The following GABRB1 variants were observed in gnomAD, a reference collection of about 807,000 sequenced individuals.
GABRB1 encodes gamma-aminobutyric acid type A receptor subunit beta1.
In GABRB1, 17 loss-of-function variants were observed where a neutral mutation model predicts 51.6. The observed-to-expected ratio is 0.33, with a 90% CI of 0.23 to 0.49. The LOEUF is 0.49. Among genes scored for constraint, GABRB1 ranks in the 20% least tolerant of loss-of-function variants. The pLI is 0.99. For missense variants in GABRB1, 410 were observed against 600.6 expected (o/e 0.68, Z 3.32); for synonymous variants, 247 against 218.9 (o/e 1.13, Z -1.14).
Position 46,997,137 on chromosome 4 carries a change from T to C in GABRB1, c.-20+3211T>C, listed in dbSNP as rs142994020. Among the ~76,000 whole-genome samples the C allele has an allele frequency of 1.8e-3, 276 of 152,274 alleles. 1 individual carries two copies. The highest frequency in any genetic ancestry group is 6.5e-3 in the African/African-American group (272 of 41,584). On this transcript the variant is annotated intron_variant, in intron 1 of 3. Transcript: ENST00000513567. Reference sequence around the variant, plus strand: ...ACAGTGTTTCCACTGAAATATTACCTGTATACCAGCCTACTATCATTGTCT... The same window carrying C: ...ACAGTGTTTCCACTGAAATATTACCCGTATACCAGCCTACTATCATTGTCT...
At chr4:47,035,825 G>A (rs1725530124) in intron 3 of GABRB1, among the ~76,000 whole-genome samples, 1 of 152,144 alleles carries the variant, frequency 6.6e-6, no homozygotes, top group African/African-American at 2.4e-5. Context: ...ACAGTAGTTT[G>A]GGGAAACATG....
chr4:47,148,226 T>C (rs1245198475), intron 3 of GABRB1, among the ~76,000 whole-genome samples: 1 of 151,990 alleles, frequency 6.6e-6, no homozygotes, highest in African/African-American at 2.4e-5. Context: ...AGTGTTTGAT[T>C]GTACCAGTCA....
At chr4:47,091,946 A>AT (rs1560530069) in intron 3 of GABRB1, among the ~76,000 whole-genome samples, 45 of 151,682 alleles carry the variant, frequency 3.0e-4, no homozygotes, top group African/African-American at 9.4e-4. Flanking sequence ...GTTAAATCAC[A>AT]CTCCATCTAT....
chr4:47,018,262 TGTCTGGCCTCA>T (rs1287973228), intron 1 of GABRB1, among the ~76,000 whole-genome samples: 1 of 151,802 alleles, frequency 6.6e-6, no homozygotes, highest in Admixed American at 6.6e-5. Context: ...TCCTGGCCTC[TGTCTGGCCTCA>T]AGTCATCCAC....
chr4:47,007,651 A>G (rs1724447607), intron 1 of GABRB1, among the ~76,000 whole-genome samples: 1 of 152,066 alleles, frequency 6.6e-6, no homozygotes, highest in African/African-American at 2.4e-5. Flanking sequence ...AATGTCAACG[A>G]ATAGAAATTG....
intron 8 of GABRB1, among the ~76,000 whole-genome samples, chr4:47,409,879 A>G (rs4235147): frequency 0.99 from 151,409 of 152,384 alleles, 75,221 homozygotes; most frequent in East Asian, 1. Context: ...GATGATAAAG[A>G]TTGAATAAAG....
intron 3 of GABRB1, among the ~76,000 whole-genome samples, chr4:47,060,878 A>G (rs942672721): frequency 1.3e-5 from 2 of 152,198 alleles, no homozygotes; most frequent in African/African-American, 4.8e-5. Context: ...TTGGTTGGAT[A>G]AATTATACTA....
At chr4:47,289,067 T>C (rs1365202687) in intron 4 of GABRB1, among the ~76,000 whole-genome samples, 1 of 152,166 alleles carries the variant, frequency 6.6e-6, no homozygotes, top group East Asian at 1.9e-4. Context: ...GTTTGTTTTT[T>C]GCTTCTGAGC....
intron 5 of GABRB1, among the ~76,000 whole-genome samples, chr4:47,350,208 TATATATATATAGAGAG>T (rs1359439965): frequency 2.2e-5 from 2 of 91,912 alleles, no homozygotes; most frequent in Admixed American, 1.2e-4. Flanking sequence ...TATATATATA[TATATATATATAGAGAG>T]AGAGAGAGAG....
chr4:47,051,576 T>C (rs1161341243), intron 3 of GABRB1, among the ~76,000 whole-genome samples: 1 of 152,188 alleles, frequency 6.6e-6, no homozygotes, highest in Non-Finnish European at 1.5e-5. Flanking sequence ...TAGTGCTTTG[T>C]TGGTATAGTT....
chr4:47,298,907 C>A (rs1405018086), intron 4 of GABRB1, among the ~76,000 whole-genome samples: 1 of 151,748 alleles, frequency 6.6e-6, no homozygotes, highest in South Asian at 2.1e-4. Flanking sequence ...ACCAATGGAA[C>A]AGAACAGAGC....
At chr4:47,337,247 T>G (rs1208739959) in intron 5 of GABRB1, among the ~76,000 whole-genome samples, 3 of 151,416 alleles carry the variant, frequency 2.0e-5, no homozygotes, top group Non-Finnish European at 2.9e-5. Flanking sequence ...CATCCCCCCA[T>G]CCCCCGAAAG....
intron 1 of GABRB1, among the ~76,000 whole-genome samples, chr4:47,003,476 A>G (rs1231751995): frequency 6.6e-6 from 1 of 152,220 alleles, no homozygotes; most frequent in Non-Finnish European, 1.5e-5. Context: ...TTATTTAGGA[A>G]ATAAATAACA....
chr4:47,390,903 C>G (rs1157204135), intron 5 of GABRB1, among the ~76,000 whole-genome samples: 2 of 152,084 alleles, frequency 1.3e-5, no homozygotes. Context: ...GCTGGCCGGG[C>G]ACGGTGGGTC....
chr4:47,176,334 G>A (rs565380849), intron 4 of GABRB1, among the ~76,000 whole-genome samples: 22 of 152,092 alleles, frequency 1.4e-4, no homozygotes, highest in South Asian at 2.1e-4. Context: ...GAAGGACACA[G>A]TTATTGAGAG....
intron 4 of GABRB1, among the ~76,000 whole-genome samples, chr4:47,278,140 G>C (rs576205463): frequency 1.3e-5 from 2 of 152,220 alleles, no homozygotes; most frequent in Non-Finnish European, 1.5e-5. Flanking sequence ...ATTACTAGCT[G>C]TTCTTTGTCT....
At chr4:47,145,505 C>T (rs747596955) in intron 3 of GABRB1, among the ~76,000 whole-genome samples, 4 of 152,006 alleles carry the variant, frequency 2.6e-5, no homozygotes, top group Non-Finnish European at 5.9e-5. Context: ...TGATTACACG[C>T]ACATGCATAA....
At position 47,425,807 on chromosome 4, in the gene GABRB1, G is replaced by T; in HGVS notation, c.1214G>T (p.Arg405Leu). The stretch of plus-strand genomic sequence containing the variant: ...TATGACAGCGCCAGCATCCAGTACC[G>T]CAAGCCCCTGAGCAGCCGCGAGGCC... ...YSYDSASIQY[R>L]KPLSSREAYG... Residue 405 changes from arginine to leucine, a missense_variant, in exon 9 of 9, where the codon CGC becomes CTC. Around this residue, in one of 5 missense-constraint regions of GABRB1, gnomAD observed 181 missense variants for 195.6 expected, o/e 0.93. Coordinates refer to ENST00000295454, the MANE Select transcript of GABRB1 (RefSeq NM_000812.4). The T allele has an allele frequency of 1.9e-6, 3 of 1,614,086 alleles. No individual in the cohort carries two copies. Among genetic ancestry groups the T allele is most frequent in the African/African-American group, 1.3e-5 (1 of 75,042 alleles).
chr4:47,344,213 G>T (rs763443833), intron 5 of GABRB1, among the ~76,000 whole-genome samples: 2 of 152,200 alleles, frequency 1.3e-5, no homozygotes, highest in Admixed American at 1.3e-4. Flanking sequence ...AATACTGCTA[G>T]ACCTGGCTAA....
Sources: gnomAD v4.1 joint callset for allele counts (sites outside exome capture counted in the v4.1 genomes callset) on GRCh38, gnomAD v4.1.1 for gene constraint, gnomAD v4.1.1 regional missense constraint, MANE v1.5 for transcripts, NCBI Gene and HGNC (gene_info 2026-07-23, HGNC 2026-07-21) for gene names.